Variants in NCAM1 observed in about 807,000 individuals in gnomAD.
NCAM1 encodes neural cell adhesion molecule 1.
In NCAM1, 14 loss-of-function variants were observed where a neutral mutation model predicts 109.8. The ratio of observed to expected loss-of-function variants is 0.13; its 90% CI spans 0.08 to 0.20. The LOEUF is 0.20. Ranked by LOEUF, NCAM1 falls within the 10% of genes least tolerant of loss-of-function variation. The pLI, the probability that NCAM1 is intolerant of heterozygous loss-of-function variation, is 1.00. For missense variants in NCAM1, 774 were observed against 1,109.9 expected (o/e 0.70, Z 4.30); for synonymous variants, 418 against 442.9 (o/e 0.94, Z 0.70).
At chr11:113,049,548 C>A (rs1316349473) in intron 1 of NCAM1, among the ~76,000 whole-genome samples, 1 of 152,142 alleles carries the variant, frequency 6.6e-6, no homozygotes, top group Non-Finnish European at 1.5e-5. Context: ...GGTGATGATT[C>A]TTTTCCCAGA....
At chr11:113,267,439 GAGATC>G (rs1278657328) in intron 17 of NCAM1, among the ~76,000 whole-genome samples, 2 of 151,666 alleles carry the variant, frequency 1.3e-5, no homozygotes, top group African/African-American at 2.4e-5. Flanking sequence ...CACTAGATAA[GAGATC>G]AGATAAGGCT....
At chr11:113,172,712 T>C (rs1189622190) in intron 1 of NCAM1, among the ~76,000 whole-genome samples, 2 of 152,220 alleles carry the variant, frequency 1.3e-5, no homozygotes, top group African/African-American at 2.4e-5. Flanking sequence ...TAAAGCTGTT[T>C]TACCATGAAA....
intron 1 of NCAM1, among the ~76,000 whole-genome samples, chr11:112,989,177 T>C (rs1277197248): frequency 1.3e-5 from 2 of 152,220 alleles, no homozygotes; most frequent in Non-Finnish European, 2.9e-5. Flanking sequence ...TTTGAGATGA[T>C]TTCTTTAAGT....
chr11:113,161,423 GT>G (rs782014377), intron 1 of NCAM1, among the ~76,000 whole-genome samples: 7 of 152,018 alleles, frequency 4.6e-5, no homozygotes, highest in Non-Finnish European at 7.4e-5. Context: ...AGAGTTCCAG[GT>G]GTTCATAAGA....
chr11:113,030,716 A>C (rs1236236801), intron 1 of NCAM1, among the ~76,000 whole-genome samples: 1 of 152,208 alleles, frequency 6.6e-6, no homozygotes, highest in Non-Finnish European at 1.5e-5. Context: ...ACAAAGTAGT[A>C]CTTGAATTCT....
intron 1 of NCAM1, among the ~76,000 whole-genome samples, chr11:113,078,949 C>G (rs1256814094): frequency 2.6e-5 from 4 of 152,040 alleles, no homozygotes; most frequent in Admixed American, 6.6e-5. Context: ...CTGAAGGGTC[C>G]CAGGGAGTTC....
At chr11:113,208,279 T>C (rs559612018) in intron 7 of NCAM1, among the ~76,000 whole-genome samples, 1 of 152,284 alleles carries the variant, frequency 6.6e-6, no homozygotes, top group South Asian at 2.1e-4. Flanking sequence ...GTACCACTCA[T>C]CTGTTTGAAA....
At chr11:113,040,569 A>G (rs547170586) in intron 1 of NCAM1, among the ~76,000 whole-genome samples, 1 of 152,352 alleles carries the variant, frequency 6.6e-6, no homozygotes, top group Non-Finnish European at 1.5e-5. Flanking sequence ...TTTGACTTGC[A>G]TGCTGTAGTT....
At chr11:113,020,444 C>T (rs1016518797) in intron 1 of NCAM1, among the ~76,000 whole-genome samples, 8 of 152,108 alleles carry the variant, frequency 5.3e-5, no homozygotes, top group South Asian at 2.1e-4. Flanking sequence ...CTCTCTTAAC[C>T]GTAGGTCTTG....
At position 113,275,471 on chromosome 11, in the gene NCAM1, C is replaced by G. The variant is rs1379932394; in HGVS notation, c.*84C>G. The G allele has an allele frequency of 4.1e-6, 6 of 1,476,688 alleles. No individual in the cohort carries two copies. In the African/African-American group the frequency reaches 7.0e-5, roughly 17 times the overall value. 91.5% of individuals were successfully genotyped at this position (1,476,688 alleles called of 1,614,324 possible). A position where few individuals can be genotyped will look rare whatever the true frequency, so the allele number is the denominator to read the frequency against. ...GCATTTCCAACACCACAGACACACA[C>G]ACGCACGCACACACACAAACACACA... On this transcript the variant is annotated 3_prime_UTR_variant, in exon 20 of 20. Coordinates refer to ENST00000316851, the MANE Select transcript of NCAM1 (RefSeq NM_181351.5).
chr11:113,025,777 CCG>C (rs1952522031), intron 1 of NCAM1, among the ~76,000 whole-genome samples: 1 of 46,412 alleles, frequency 2.2e-5, no homozygotes, highest in Non-Finnish European at 4.2e-5. Flanking sequence ...ACACAGGGAG[CCG>C]AGAGAGAGAG....
chr11:113,138,703 G>A (rs566955169), intron 1 of NCAM1, among the ~76,000 whole-genome samples: 2 of 152,190 alleles, frequency 1.3e-5, no homozygotes, highest in South Asian at 2.1e-4. Flanking sequence ...CTTGCTGATT[G>A]TACAACGGTG....
At chr11:113,174,040 C>T (rs1461454554) in intron 1 of NCAM1, among the ~76,000 whole-genome samples, 1 of 152,018 alleles carries the variant, frequency 6.6e-6, no homozygotes, top group Non-Finnish European at 1.5e-5. Flanking sequence ...GCTGTGTGTC[C>T]AGTGCAGCAG....
At chr11:113,218,206 T>C (rs983489399) in intron 8 of NCAM1, among the ~76,000 whole-genome samples, 7 of 152,190 alleles carry the variant, frequency 4.6e-5, no homozygotes, top group Admixed American at 2.6e-4. Context: ...TGAACACTTA[T>C]TTGCAATATC....
intron 15 of NCAM1, among the ~76,000 whole-genome samples, chr11:113,253,229 G>A (rs1274409382): frequency 1.3e-5 from 2 of 152,062 alleles, no homozygotes; most frequent in Admixed American, 6.6e-5. Context: ...GAAGAGACTT[G>A]GGGGTCTCTT....
chr11:113,044,844 C>T (rs1349115816), intron 1 of NCAM1, among the ~76,000 whole-genome samples: 1 of 152,054 alleles, frequency 6.6e-6, no homozygotes, highest in African/African-American at 2.4e-5. Context: ...AGCTCTGCCT[C>T]GCAGGTTCAC....
intron 7 of NCAM1, among the ~76,000 whole-genome samples, chr11:113,210,046 C>CA (rs1944343102): frequency 6.6e-6 from 1 of 152,122 alleles, no homozygotes; most frequent in African/African-American, 2.4e-5. Flanking sequence ...CCAGCACCCA[C>CA]ATGCATTAGG....
At chr11:113,116,550 C>A (rs1940718481) in intron 1 of NCAM1, among the ~76,000 whole-genome samples, 1 of 152,226 alleles carries the variant, frequency 6.6e-6, no homozygotes, top group Admixed American at 6.5e-5. Flanking sequence ...CAACTGGAAT[C>A]ATTTTAGCTT....
chr11:113,101,861 C>T (rs1288908649), intron 1 of NCAM1, among the ~76,000 whole-genome samples: 3 of 152,142 alleles, frequency 2.0e-5, no homozygotes, highest in Non-Finnish European at 4.4e-5. Flanking sequence ...AGATGTGCTT[C>T]CCCAATGATG....
Sources: allele counts gnomAD v4.1 joint callset (sites outside exome capture counted in the v4.1 genomes callset), GRCh38; gene constraint gnomAD v4.1.1; transcripts MANE v1.5; gene names NCBI Gene and HGNC (gene_info 2026-07-23, HGNC 2026-07-21).